Variants in PEMT observed in about 807,000 individuals in gnomAD.
The protein encoded by PEMT is phospholipid methyltransferase.
PEMT carries 23 observed loss-of-function variants against 27.4 expected under a neutral mutation model. That is an observed-to-expected ratio of 0.84 (90% CI 0.60 to 1.19). The LOEUF (loss-of-function observed/expected upper bound fraction) is 1.19. Ranked by LOEUF, PEMT falls within the 50% of genes most tolerant of loss-of-function variation. The pLI is 0.00. For synonymous variants in PEMT, 137 were observed against 139.1 expected, an observed-to-expected ratio of 0.98 and a Z score of 0.11; for missense variants, 307 against 310.1, an observed-to-expected ratio of 0.99 and a Z score of 0.07.
chr17:17,507,968 A>G (rs949096194), intron 5 of PEMT: 5 of 152,472 alleles, frequency 3.3e-5, no homozygotes, highest in Non-Finnish European at 5.9e-5. Flanking sequence ...CCAGGGCACA[A>G]GACACTGCTG....
At chr17:17,588,391 C>T (rs760474724) in intron 1 of PEMT, among the ~76,000 whole-genome samples, 1 of 152,280 alleles carries the variant, frequency 6.6e-6, no homozygotes, top group East Asian at 1.9e-4. Flanking sequence ...GGGTCTTACT[C>T]GGGTGCCCAT....
At chr17:17,543,459 AGGCAGCGCACGCCACCT>A (rs950555499) in intron 2 of PEMT, among the ~76,000 whole-genome samples, 5 of 152,232 alleles carry the variant, frequency 3.3e-5, no homozygotes, top group Admixed American at 3.3e-4. Context: ...GGGCCACGGA[AGGCAGCGCACGCCACCT>A]GGATCCCGGG....
intron 2 of PEMT, among the ~76,000 whole-genome samples, chr17:17,567,824 G>A (rs1910933619): frequency 6.6e-6 from 1 of 152,208 alleles, no homozygotes. Flanking sequence ...TTGTGCCACA[G>A]GCTCCGCCAG....
chr17:17,516,649 T>C (rs1483499843), intron 3 of PEMT, among the ~76,000 whole-genome samples: 1 of 152,176 alleles, frequency 6.6e-6, no homozygotes, highest in Non-Finnish European at 1.5e-5. Context: ...TGGCCGTGTG[T>C]GCTTTGGGGA....
chr17:17,560,440 A>T (rs1274803708), intron 2 of PEMT, among the ~76,000 whole-genome samples: 3 of 152,360 alleles, frequency 2.0e-5, no homozygotes, highest in Non-Finnish European at 4.4e-5. Context: ...GGCAGAGGTT[A>T]TCGGAAAAGG....
At chr17:17,554,138 C>T (rs1196952576) in intron 2 of PEMT, among the ~76,000 whole-genome samples, 3 of 152,266 alleles carry the variant, frequency 2.0e-5, no homozygotes, top group Non-Finnish European at 2.9e-5. Flanking sequence ...GCACCTGCTC[C>T]GTTCTGTCCT....
chr17:17,540,149 G>A (rs112404110), intron 2 of PEMT, among the ~76,000 whole-genome samples: 16 of 152,336 alleles, frequency 1.1e-4, no homozygotes, highest in African/African-American at 3.6e-4. Context: ...GTGGGGATGG[G>A]GCAGGGGCGC....
intron 5 of PEMT, 47 bp downstream of exon 5, chr17:17,509,387 C>G: frequency 1.6e-6 from 2 of 1,278,050 alleles, no homozygotes; most frequent in Non-Finnish European, 2.3e-6. Flanking sequence ...CAGCTCCTCT[C>G]CGGGAGGTGG....
chr17:17,518,865 A>T (rs1907054896), intron 3 of PEMT, among the ~76,000 whole-genome samples: 1 of 152,184 alleles, frequency 6.6e-6, no homozygotes, highest in Non-Finnish European at 1.5e-5. Flanking sequence ...GCGGGAGATG[A>T]CTGCTCCAGG....
intron 2 of PEMT, among the ~76,000 whole-genome samples, chr17:17,538,044 G>T (rs1908607110): frequency 6.6e-6 from 1 of 152,204 alleles, no homozygotes; most frequent in Admixed American, 6.5e-5. Flanking sequence ...CCCATGGCAT[G>T]CCCGTCCTTG....
Position 17,512,878 on chromosome 17 carries a change from A to G in PEMT, c.321-224T>C, listed in dbSNP as rs1906525870. Among the ~76,000 whole-genome samples the G allele has an allele frequency of 6.6e-6, 1 of 152,202 alleles. No individual in the cohort carries two copies. The highest frequency in any genetic ancestry group is 2.1e-4 in the South Asian group (1 of 4,834). ...CCTGTCAGATTTTTAAATTTTTTCAAGAGAAGCCAGAAATCCTGACTCGTA... is the reference window on the plus strand; with the variant it reads ...CCTGTCAGATTTTTAAATTTTTTCAGGAGAAGCCAGAAATCCTGACTCGTA... On this transcript the variant is annotated intron_variant, in intron 3 of 6. Coordinates refer to ENST00000255389, the MANE Select transcript of PEMT (RefSeq NM_148172.3). This position sits in a 1 kb window ranked among gnomAD's most constrained non-coding sequence, Gnocchi z 6.3.
intron 2 of PEMT, among the ~76,000 whole-genome samples, chr17:17,549,451 G>C (rs146348667): frequency 6.6e-6 from 1 of 152,182 alleles, no homozygotes. Flanking sequence ...GCCTCCCAAA[G>C]TGCTGGGATC....
chr17:17,542,657 A>G (rs1477493272), intron 2 of PEMT, among the ~76,000 whole-genome samples: 2 of 152,246 alleles, frequency 1.3e-5, no homozygotes, highest in Admixed American at 6.5e-5. Flanking sequence ...AGTGACCACA[A>G]TCCTGGTGTT....
At chr17:17,544,820 C>T (rs944029910) in intron 2 of PEMT, among the ~76,000 whole-genome samples, 3 of 152,332 alleles carry the variant, frequency 2.0e-5, no homozygotes, top group Admixed American at 2.0e-4. Context: ...GGACCATCAT[C>T]CATGTGTGAA....
At chr17:17,509,811 A>G (rs1906218716) in intron 4 of PEMT, among the ~76,000 whole-genome samples, 1 of 152,172 alleles carries the variant, frequency 6.6e-6, no homozygotes, top group Admixed American at 6.5e-5. Context: ...TGACCCAGCC[A>G]TGCTGGCCTT....
intron 1 of PEMT, among the ~76,000 whole-genome samples, chr17:17,580,129 C>T (rs181340697): frequency 1.3e-5 from 2 of 152,298 alleles, no homozygotes; most frequent in Non-Finnish European, 2.9e-5. Context: ...AGCCCCAAAG[C>T]TTCTAGAACC....
rs1910196040 is a variant in PEMT, at chr17:17,558,116, A to C, written c.204+18804T>G. On this transcript the variant is annotated intron_variant, in intron 2 of 6. Transcript: ENST00000255389. ...CAGCACTTTGGGAGGGTGAGGCGGC[A>C]GAATCGCTGGAGCCCAGGAGTTTGA... Among the ~76,000 whole-genome samples the C allele has an allele frequency of 5.3e-5, 8 of 152,184 alleles. No homozygotes were observed. The South Asian group carries it at 1.7e-3, about 31-fold the overall frequency.
chr17:17,516,093 G>A (rs1368041715), intron 3 of PEMT, among the ~76,000 whole-genome samples: 1 of 152,078 alleles, frequency 6.6e-6, no homozygotes, highest in African/African-American at 2.4e-5. Context: ...ACACTTCCCT[G>A]ACTTTGATCA....
chr17:17,587,484 G>A (rs996921454), intron 1 of PEMT, among the ~76,000 whole-genome samples: 2 of 152,096 alleles, frequency 1.3e-5, no homozygotes, highest in Admixed American at 6.6e-5. Context: ...TAACATTTAA[G>A]GAAAAAATAA....
Sources: allele counts gnomAD v4.1 joint callset (sites outside exome capture counted in the v4.1 genomes callset), GRCh38; gene constraint gnomAD v4.1.1; non-coding constraint Gnocchi (gnomAD v3.1); transcripts MANE v1.5; gene names NCBI Gene and HGNC (gene_info 2026-07-23, HGNC 2026-07-21).